Variants in SNAP91 observed in about 807,000 individuals in gnomAD.
The protein encoded by SNAP91 is synaptosome associated protein 91.
SNAP91 carries 27 observed loss-of-function variants against 100.3 expected under a neutral mutation model. The ratio of observed to expected loss-of-function variants is 0.27; its 90% CI spans 0.20 to 0.37. SNAP91 has a LOEUF of 0.37. Among genes scored for constraint, SNAP91 ranks in the 10% least tolerant of loss-of-function variants. The pLI is 1.00. For missense variants in SNAP91, 986 were observed against 1,123.7 expected (o/e 0.88, Z 1.75); for synonymous variants, 404 against 398.6 (o/e 1.01, Z -0.16).
chr6:83,603,135 T>C (rs2095382573), intron 14 of SNAP91, among the ~76,000 whole-genome samples: 1 of 152,170 alleles, frequency 6.6e-6, no homozygotes, highest in African/African-American at 2.4e-5. Context: ...AATATTAGCT[T>C]TCATTGTAAC....
At chr6:83,635,572 G>C (rs1256606487) in intron 8 of SNAP91, among the ~76,000 whole-genome samples, 4 of 151,936 alleles carry the variant, frequency 2.6e-5, no homozygotes, top group South Asian at 2.1e-4. Context: ...TTGAGGCTAT[G>C]CGTGTCATTA....
At chr6:83,614,799 G>T in intron 11 of SNAP91, 58 bp downstream of exon 11, 1 of 1,326,102 alleles carries the variant, frequency 7.5e-7, no homozygotes, top group Non-Finnish European at 1.0e-6. Context: ...TCTTAAGAGT[G>T]TTTTTTGCAT....
intron 27 of SNAP91, 107 bp downstream of exon 27, chr6:83,560,757 A>G: frequency 1.1e-6 from 1 of 937,080 alleles, no homozygotes; most frequent in Non-Finnish European, 1.7e-6. Context: ...AGTTTTACTT[A>G]CTGTGTTTTG....
At chr6:83,641,520 C>T (rs931276310) in intron 7 of SNAP91, among the ~76,000 whole-genome samples, 3 of 152,140 alleles carry the variant, frequency 2.0e-5, no homozygotes, top group Non-Finnish European at 2.9e-5. Context: ...TGGAAAACAG[C>T]AGCAAATTCT....
intron 26 of SNAP91, among the ~76,000 whole-genome samples, chr6:83,561,516 T>C (rs984974605): frequency 1.3e-5 from 2 of 152,230 alleles, no homozygotes; most frequent in Admixed American, 6.5e-5. Context: ...TTCTCTGTTA[T>C]AGAGTCATTT....
At chr6:83,574,827 C>A (rs188827641) in intron 26 of SNAP91, among the ~76,000 whole-genome samples, 183 bp downstream of exon 26, 1 of 152,244 alleles carries the variant, frequency 6.6e-6, no homozygotes, top group Non-Finnish European at 1.5e-5. Context: ...CAGAGGCTAT[C>A]AAATGTTTTC....
chr6:83,641,978 C>T (rs1250245559), intron 7 of SNAP91, among the ~76,000 whole-genome samples: 1 of 152,134 alleles, frequency 6.6e-6, no homozygotes, highest in Non-Finnish European at 1.5e-5. Flanking sequence ...AAAACCAGTA[C>T]TTCATCAGTG....
chr6:83,632,797 T>C (rs1168210511), intron 8 of SNAP91, among the ~76,000 whole-genome samples: 1 of 152,210 alleles, frequency 6.6e-6, no homozygotes, highest in African/African-American at 2.4e-5. Flanking sequence ...TCTTGTATCA[T>C]TTTTTGGATT....
chr6:83,653,625 C>T (rs1347772250), intron 7 of SNAP91, among the ~76,000 whole-genome samples: 1 of 152,108 alleles, frequency 6.6e-6, no homozygotes, highest in Non-Finnish European at 1.5e-5. Flanking sequence ...CTGATGCTTG[C>T]TCTGTCTTTT....
chr6:83,645,908 A>T (rs2097899737), intron 7 of SNAP91, among the ~76,000 whole-genome samples: 2 of 152,180 alleles, frequency 1.3e-5, no homozygotes, highest in African/African-American at 4.8e-5. Flanking sequence ...AATGTCAGAG[A>T]GCTGAAAACA....
chr6:83,638,328 G>C (rs2097544466), intron 8 of SNAP91, among the ~76,000 whole-genome samples: 1 of 151,998 alleles, frequency 6.6e-6, no homozygotes, highest in South Asian at 2.1e-4. Flanking sequence ...CTCTTGGTGG[G>C]AGAGGCATTT....
intron 6 of SNAP91, 29 bp from the exon 7 acceptor site, chr6:83,656,894 C>T (rs145754037): frequency 3.0e-5 from 32 of 1,065,774 alleles, no homozygotes; most frequent in African/African-American, 9.6e-5. Flanking sequence ...TTAATATTAG[C>T]GGCATATCAT....
chr6:83,629,249 G>A (rs1202988401), intron 8 of SNAP91, among the ~76,000 whole-genome samples: 1 of 152,132 alleles, frequency 6.6e-6, no homozygotes, highest in Non-Finnish European at 1.5e-5. Context: ...GTACCATGTT[G>A]TTTTAGTGAC....
chr6:83,554,800 C>T (rs1775293366), intron 29 of SNAP91, among the ~76,000 whole-genome samples: 1 of 152,156 alleles, frequency 6.6e-6, no homozygotes, highest in African/African-American at 2.4e-5. Context: ...CCACTCATCT[C>T]CCTGGCTAAT....
chr6:83,700,729 T>C (rs2099283335), intron 2 of SNAP91, among the ~76,000 whole-genome samples: 1 of 152,052 alleles, frequency 6.6e-6, no homozygotes, highest in African/African-American at 2.4e-5. Flanking sequence ...GCCTTCCAAG[T>C]AGCTGGGACC....
chr6:83,683,060 GT>G (rs1409266064), intron 2 of SNAP91, among the ~76,000 whole-genome samples: 1 of 152,038 alleles, frequency 6.6e-6, no homozygotes, highest in East Asian at 1.9e-4. Context: ...GCACTCTCCA[GT>G]TTCCACCCTA....
intron 2 of SNAP91, among the ~76,000 whole-genome samples, chr6:83,675,405 A>G (rs2098847319): frequency 6.6e-6 from 1 of 152,186 alleles, no homozygotes; most frequent in Admixed American, 6.6e-5. Flanking sequence ...ACCTGAATAA[A>G]TACTTGTATT....
chr6:83,686,071 G>A (rs1050626185), intron 2 of SNAP91: 24 of 705,164 alleles, frequency 3.4e-5, no homozygotes, highest in Non-Finnish European at 3.5e-5. Flanking sequence ...ACCAGTAGAT[G>A]CACAGTAGAC....
chr6:83,607,704 T>C lies in SNAP91; in HGVS notation c.1017A>G (p.Pro339=). Residue 339 remains proline, a synonymous_variant, in exon 13 of 30, where the codon CCA becomes CCG. Transcript: ENST00000369694. ...DLFATASAAV[P]VSTSKPSSDL... ...CTGCATATTTATTTACCAACCTGAC[T>C]GGGACAGCCGCAGATGCAGTTGCAA... 6.4e-7 allele frequency: 1 copy of C among 1,565,824 alleles called. No individual in the cohort carries two copies. Among genetic ancestry groups the C allele is most frequent in the Non-Finnish European group, 8.7e-7 (1 of 1,152,280 alleles).
Sources: allele counts gnomAD v4.1 joint callset (sites outside exome capture counted in the v4.1 genomes callset), GRCh38; gene constraint gnomAD v4.1.1; transcripts MANE v1.5; gene names NCBI Gene and HGNC (gene_info 2026-07-23, HGNC 2026-07-21).